Variants in DPP10 observed in about 807,000 individuals in gnomAD.
DPP10 encodes inactive dipeptidyl peptidase 10.
In DPP10, 33 loss-of-function variants were observed where a neutral mutation model predicts 120.9. The observed-to-expected ratio is 0.27, with a 90% confidence interval of 0.21 to 0.37. The LOEUF (loss-of-function observed/expected upper bound fraction) is 0.37, where lower values mean the gene tolerates loss of function less well. Ranked by LOEUF, DPP10 falls within the 10% of genes least tolerant of loss-of-function variation. The probability of loss-of-function intolerance (pLI) is 1.00; values close to 1 mark genes in which losing one functional copy is unlikely to be tolerated. For synonymous variants in DPP10, 337 were observed against 326.1 expected (o/e 1.03, Z -0.36); for missense variants, 816 against 942.8 (o/e 0.87, Z 1.76).
At chr2:115,454,605 C>T (rs1001239119) in intron 3 of DPP10, among the ~76,000 whole-genome samples, 10 of 151,480 alleles carry the variant, frequency 6.6e-5, no homozygotes, top group African/African-American at 1.5e-4. Context: ...TAGTTCACAG[C>T]GGATATAATA....
intron 1 of DPP10, among the ~76,000 whole-genome samples, chr2:114,633,254 T>C (rs1168533418): frequency 7.7e-6 from 1 of 129,730 alleles, no homozygotes; most frequent in Non-Finnish European, 1.6e-5. Context: ...CTTTCTTTTT[T>C]TTTTTTTTTT....
intron 1 of DPP10, among the ~76,000 whole-genome samples, chr2:114,526,398 A>C (rs139950504): frequency 2.4e-3 from 358 of 152,226 alleles, no homozygotes; most frequent in African/African-American, 8.0e-3. Context: ...CTTGTTTCTC[A>C]TTTTACAATA....
chr2:115,372,529 A>G (rs1284310836), intron 3 of DPP10, among the ~76,000 whole-genome samples: 1 of 152,230 alleles, frequency 6.6e-6, no homozygotes, highest in African/African-American at 2.4e-5. Flanking sequence ...GAGCTCAACT[A>G]GATGAAAAAC....
intron 7 of DPP10, among the ~76,000 whole-genome samples, chr2:115,704,839 A>T (rs185082566): frequency 3.8e-4 from 58 of 152,136 alleles, no homozygotes; most frequent in Non-Finnish European, 4.7e-4. Flanking sequence ...AAAGATAAAA[A>T]TTATCTTATA....
chr2:114,901,696 G>T lies in DPP10; in HGVS notation c.61-407543G>T, dbSNP rs79989791. ...CTTAGCTTACACATTCCTGACTAAA[G>T]AATTAAAATTGAATGTGCAAAACGT... On this transcript the variant is annotated intron_variant, in intron 1 of 25. Coordinates refer to ENST00000410059, the MANE Select transcript of DPP10 (RefSeq NM_020868.6). Among the ~76,000 whole-genome samples, 1,004 of 152,264 alleles carry T rather than the reference G, an allele frequency of 6.6e-3. 19 individuals are homozygous for T. The highest frequency in any genetic ancestry group is 0.059 in the East Asian group (308 of 5,186).
At chr2:115,251,031 T>G (rs1002285279) in intron 1 of DPP10, among the ~76,000 whole-genome samples, 1 of 152,120 alleles carries the variant, frequency 6.6e-6, no homozygotes, top group Non-Finnish European at 1.5e-5. Context: ...CCCGGTGGCT[T>G]TGGAGGAATA....
chr2:115,838,409 T>C (rs1229750697), intron 24 of DPP10, among the ~76,000 whole-genome samples: 1 of 152,202 alleles, frequency 6.6e-6, no homozygotes, highest in Non-Finnish European at 1.5e-5. Context: ...TAGATGTTAT[T>C]ACTTTCATTT....
intron 1 of DPP10, among the ~76,000 whole-genome samples, chr2:115,059,782 A>T (rs1452657760): frequency 6.6e-6 from 1 of 151,722 alleles, no homozygotes; most frequent in Non-Finnish European, 1.5e-5. Flanking sequence ...GATAGCTGGA[A>T]ATAGACAAAG....
chr2:115,217,501 C>T (rs1413027095), intron 1 of DPP10, among the ~76,000 whole-genome samples: 4 of 152,136 alleles, frequency 2.6e-5, no homozygotes, highest in Admixed American at 6.5e-5. Context: ...GGCTATGCAT[C>T]GATCTTTCCT....
chr2:114,801,711 G>C (rs1448618556), intron 1 of DPP10, among the ~76,000 whole-genome samples: 2 of 152,132 alleles, frequency 1.3e-5, no homozygotes, highest in East Asian at 3.9e-4. Context: ...GGCCCACAAG[G>C]GATGGATGTT....
rs577609696 is a variant in DPP10 at position 114,779,936 on chromosome 2, A to T, written c.60+337098A>T. Among the ~76,000 whole-genome samples the T allele has an allele frequency of 5.3e-4, 80 of 152,208 alleles. 2 individuals are homozygous for T. The South Asian group carries it at 0.017, about 32-fold the overall frequency. On this transcript the variant is annotated intron_variant, in intron 1 of 25. Coordinates refer to ENST00000410059, the MANE Select transcript of DPP10 (RefSeq NM_020868.6). ...CGGATCACGAGGTCAGGAGATCGAGACCATCCTGGCTAACATGGTGAAACC... is the reference window on the plus strand; with the variant it reads ...CGGATCACGAGGTCAGGAGATCGAGTCCATCCTGGCTAACATGGTGAAACC...
intron 1 of DPP10, among the ~76,000 whole-genome samples, chr2:114,860,965 A>G (rs1230038575): frequency 4.6e-5 from 7 of 152,074 alleles, no homozygotes; most frequent in African/African-American, 1.4e-4. Context: ...TTCTTTTTTT[A>G]TCTATTCATG....
intron 1 of DPP10, among the ~76,000 whole-genome samples, chr2:114,892,022 C>T (rs974590303): frequency 6.6e-6 from 1 of 152,046 alleles, no homozygotes; most frequent in East Asian, 1.9e-4. Context: ...GAAGTAGGAC[C>T]CTTTACAACT....
chr2:115,631,362 A>G (rs1455271418), intron 5 of DPP10, among the ~76,000 whole-genome samples: 5 of 151,344 alleles, frequency 3.3e-5, no homozygotes, highest in African/African-American at 1.2e-4. Flanking sequence ...TTCAAAAACA[A>G]ACTGGATTCA....
At chr2:114,803,053 A>G (rs1274267797) in intron 1 of DPP10, among the ~76,000 whole-genome samples, 3 of 152,154 alleles carry the variant, frequency 2.0e-5, no homozygotes, top group Non-Finnish European at 4.4e-5. Flanking sequence ...GTGTTGTACG[A>G]GGGACTCACG....
At chr2:114,456,971 AAAACAGTT>A (rs1264287363) in intron 1 of DPP10, among the ~76,000 whole-genome samples, 1 of 152,230 alleles carries the variant, frequency 6.6e-6, no homozygotes, top group African/African-American at 2.4e-5. Flanking sequence ...ACAAATGTAG[AAAACAGTT>A]AATAAAAGTG....
chr2:114,886,672 A>G (rs1692099034), intron 1 of DPP10, among the ~76,000 whole-genome samples: 1 of 152,144 alleles, frequency 6.6e-6, no homozygotes. Context: ...TATTTACATA[A>G]ATTATCAAAA....
At chr2:115,708,389 A>G (rs1332454294) in intron 7 of DPP10, among the ~76,000 whole-genome samples, 4 of 152,088 alleles carry the variant, frequency 2.6e-5, no homozygotes, top group Non-Finnish European at 4.4e-5. Flanking sequence ...TAAGTATCTT[A>G]TTTGTTTCTG....
chr2:114,442,906 T>C, intron 1 of DPP10, 68 bp downstream of exon 1: 1 of 1,583,260 alleles, frequency 6.3e-7, no homozygotes, highest in Non-Finnish European at 8.6e-7. Context: ...ACATGGGCAT[T>C]GATATATCGG....
Sources: allele counts gnomAD v4.1 joint callset (sites outside exome capture counted in the v4.1 genomes callset), GRCh38; gene constraint gnomAD v4.1.1; transcripts MANE v1.5; gene names NCBI Gene and HGNC (gene_info 2026-07-23, HGNC 2026-07-21).